The following FNBP1L variants were observed in gnomAD, a reference collection of about 807,000 sequenced individuals.
The protein encoded by FNBP1L is formin binding protein 1 like.
In FNBP1L, 36 loss-of-function variants were observed where a neutral mutation model predicts 91.2. The observed-to-expected ratio is 0.39, with a 90% CI of 0.30 to 0.52. FNBP1L has a LOEUF of 0.52. FNBP1L is among the 20% of genes least tolerant of loss of function. The probability of loss-of-function intolerance (pLI) is 0.66; values close to 1 mark genes in which losing one functional copy is unlikely to be tolerated. For missense variants in FNBP1L, 571 were observed against 732.1 expected (o/e 0.78, Z 2.54); for synonymous variants, 242 against 237.0 (o/e 1.02, Z -0.19).
intron 2 of FNBP1L, among the ~76,000 whole-genome samples, chr1:93,520,138 C>T (rs1033099495): frequency 2.0e-5 from 3 of 152,228 alleles, no homozygotes; most frequent in South Asian, 2.1e-4. Flanking sequence ...TTGGTATATA[C>T]TTGTCTCCTT....
chr1:93,553,334 C>G lies in FNBP1L; in HGVS notation c.*918C>G, dbSNP rs1272739697. 2 of 152,704 alleles carry G rather than the reference C, an allele frequency of 1.3e-5. No individual in the cohort carries two copies. Among genetic ancestry groups the G allele is most frequent in the Non-Finnish European group, 2.9e-5 (2 of 68,062 alleles). The allele number at this position is 152,704 out of a possible 1,614,324, so 9.5% of individuals were successfully genotyped here. The stretch of plus-strand genomic sequence containing the variant: ...AATCTGTTGATTGCCAACACTACCA[C>G]TACAGTATCCCACAAAGGGCTTTAT... On this transcript the variant is annotated 3_prime_UTR_variant, in exon 17 of 17. Transcript: ENST00000271234.
Position 93,551,046 on chromosome 1 carries a change from G to A in FNBP1L, c.1751G>A (p.Gly584Asp), listed in dbSNP as rs1672396553. Residue 584 changes from glycine to aspartate, a missense_variant, in exon 16 of 17, where the codon GGT becomes GAT. By Grantham distance (94) the Gly-to-Asp change is moderately conservative. This residue lies in a region of FNBP1L where 189 missense variants were observed against 219.7 expected (regional missense o/e 0.86). Coordinates refer to ENST00000271234, the MANE Select transcript of FNBP1L (RefSeq NM_001164473.3). ...DGWTRARRQNGEEGYVPTSYI... is the reference protein window; with the variant it reads ...DGWTRARRQNDEEGYVPTSYI... ...TGGACAAGAGCTCGGAGACAGAACG[G>A]TGAAGAAGGCTACGTTCCCACGTCA... The A allele has an allele frequency of 6.2e-7, 1 of 1,612,910 alleles. No homozygotes were observed. Among genetic ancestry groups the A allele is most frequent in the Non-Finnish European group, 8.5e-7 (1 of 1,179,314 alleles).
At chr1:93,526,194 T>A (rs1181030517) in intron 5 of FNBP1L, among the ~76,000 whole-genome samples, 2 of 152,080 alleles carry the variant, frequency 1.3e-5, no homozygotes, top group Non-Finnish European at 2.9e-5. Flanking sequence ...ATTAAGAAGA[T>A]AGAAGCATCA....
chr1:93,487,555 G>T (rs898398523), intron 1 of FNBP1L, among the ~76,000 whole-genome samples: 2 of 152,122 alleles, frequency 1.3e-5, no homozygotes, highest in Non-Finnish European at 2.9e-5. Flanking sequence ...AGAGATTTTT[G>T]ACTCCAGGCC....
At position 93,448,330 on chromosome 1, in the gene FNBP1L, G is replaced by C. The variant is rs538276165; in HGVS notation, c.24+25G>C. ...GGTGAGTCGGGGAGAGGGGCGCCCC[G>C]CACGGACCCCGGCCCCTGAGAAGCG... On this transcript the variant is annotated intron_variant, in intron 1 of 16. Coordinates refer to ENST00000271234, the MANE Select transcript of FNBP1L (RefSeq NM_001164473.3). 2.2e-4 allele frequency: 323 copies of C among 1,499,316 alleles called. 1 individual carries two copies. The African/African-American group carries it at 4.3e-3, about 20-fold the overall frequency. The allele number at this position is 1,499,316 out of a possible 1,614,324, so 92.9% of individuals were successfully genotyped here.
At chr1:93,495,589 A>C (rs1287899720) in intron 1 of FNBP1L, among the ~76,000 whole-genome samples, 2 of 152,218 alleles carry the variant, frequency 1.3e-5, no homozygotes, top group Non-Finnish European at 2.9e-5. Context: ...ACAGGGAGAG[A>C]CAATTGAAAA....
chr1:93,479,602 C>A (rs968881835), intron 1 of FNBP1L, among the ~76,000 whole-genome samples: 3 of 152,098 alleles, frequency 2.0e-5, no homozygotes, highest in African/African-American at 7.2e-5. Flanking sequence ...AGACCTCCCC[C>A]CAGGAATGCA....
intron 1 of FNBP1L, among the ~76,000 whole-genome samples, chr1:93,492,936 G>T (rs1670143295): frequency 6.6e-6 from 1 of 152,274 alleles, no homozygotes; most frequent in South Asian, 2.1e-4. Context: ...AACAAAGAAA[G>T]ATATAATGTC....
At chr1:93,530,327 C>T (rs186653534) in intron 6 of FNBP1L, among the ~76,000 whole-genome samples, 56 of 152,214 alleles carry the variant, frequency 3.7e-4, no homozygotes, top group Admixed American at 9.2e-4. Flanking sequence ...ATAGTTGGAT[C>T]ATAAATGTTT....
At chr1:93,552,291 G>C in intron 16 of FNBP1L, 118 bp from the exon 17 acceptor site, 4 of 1,470,408 alleles carry the variant, frequency 2.7e-6, no homozygotes, top group African/African-American at 1.4e-5. Flanking sequence ...TGGTGTTTTC[G>C]GTAGCTGACT....
chr1:93,483,775 A>G (rs1669800005), intron 1 of FNBP1L, among the ~76,000 whole-genome samples: 1 of 152,216 alleles, frequency 6.6e-6, no homozygotes, highest in South Asian at 2.1e-4. Context: ...TTCAGATTAG[A>G]TTAGAGCCAG....
At chr1:93,538,212 A>G (rs901868442) in intron 10 of FNBP1L, among the ~76,000 whole-genome samples, 2 of 151,790 alleles carry the variant, frequency 1.3e-5, no homozygotes, top group Admixed American at 6.6e-5. Context: ...AAACTCAGGC[A>G]ATTAGAGCTA....
At chr1:93,459,973 G>GTGTT (rs1668807784) in intron 1 of FNBP1L, among the ~76,000 whole-genome samples, 1 of 149,568 alleles carries the variant, frequency 6.7e-6, no homozygotes, top group Non-Finnish European at 1.5e-5. Flanking sequence ...GTGTGTGTGT[G>GTGTT]TGTGTTTTTG....
intron 2 of FNBP1L, among the ~76,000 whole-genome samples, chr1:93,502,494 G>T (rs921380760): frequency 6.6e-6 from 1 of 152,122 alleles, no homozygotes; most frequent in Admixed American, 6.6e-5. Context: ...TTTTGCTAGT[G>T]TAACAGGACT....
At chr1:93,468,161 A>G (rs564224756) in intron 1 of FNBP1L, among the ~76,000 whole-genome samples, 48 of 152,208 alleles carry the variant, frequency 3.2e-4, no homozygotes, top group African/African-American at 1.2e-3. Context: ...GTCTCAACAG[A>G]TTTACCTATT....
chr1:93,511,366 G>C (rs1670835188), intron 2 of FNBP1L, among the ~76,000 whole-genome samples: 1 of 152,120 alleles, frequency 6.6e-6, no homozygotes, highest in Admixed American at 6.6e-5. Flanking sequence ...AGCTTCATAA[G>C]TGAAGGAGAA....
intron 1 of FNBP1L, among the ~76,000 whole-genome samples, chr1:93,457,685 A>C (rs996841720): frequency 6.6e-6 from 1 of 152,008 alleles, no homozygotes; most frequent in African/African-American, 2.4e-5. Context: ...TTTTTTATTA[A>C]GTTAAATAGT....
intron 16 of FNBP1L, chr1:93,551,995 G>A (rs913247014): frequency 1.0e-6 from 1 of 995,130 alleles, no homozygotes; most frequent in Admixed American, 6.0e-5. Context: ...TGGAGGGGAA[G>A]TGTTGACAAA....
At chr1:93,506,596 T>C (rs1670622826) in intron 2 of FNBP1L, among the ~76,000 whole-genome samples, 3 of 152,226 alleles carry the variant, frequency 2.0e-5, no homozygotes, top group Admixed American at 2.0e-4. Flanking sequence ...ATGGTATGAT[T>C]TATATTCCAT....
Sources: gnomAD v4.1 joint callset for allele counts (sites outside exome capture counted in the v4.1 genomes callset) on GRCh38, gnomAD v4.1.1 for gene constraint, gnomAD v4.1.1 regional missense constraint, MANE v1.5 for transcripts, NCBI Gene and HGNC (gene_info 2026-07-23, HGNC 2026-07-21) for gene names.